The following CRYGN variants were observed in gnomAD, a reference collection of about 807,000 sequenced individuals.
CRYGN encodes crystallin gamma N.
Under a neutral mutation model 19.2 loss-of-function variants are expected in CRYGN, and 17 were observed. The observed-to-expected ratio is 0.89, with a 90% confidence interval of 0.61 to 1.33. The LOEUF is 1.33. Ranked by LOEUF, CRYGN falls within the 40% of genes most tolerant of loss-of-function variation. The pLI is 0.00. For missense variants in CRYGN, 239 were observed against 239.6 expected (o/e 1.00, Z 0.02); for synonymous variants, 84 against 85.8 (o/e 0.98, Z 0.12).
rs1801438173 is a variant in CRYGN at position 151,430,477 on chromosome 7, G to C, written c.417-297C>G. Among the ~76,000 whole-genome samples, 1 of 152,148 alleles carries C rather than the reference G, an allele frequency of 6.6e-6. No homozygotes were observed. Among genetic ancestry groups the C allele is most frequent in the African/African-American group, 2.4e-5 (1 of 41,422 alleles). On this transcript the variant is annotated intron_variant, in intron 3 of 3. Coordinates refer to ENST00000337323, the MANE Select transcript of CRYGN (RefSeq NM_144727.3). The surrounding 1 kb of genome is among the most constrained non-coding windows in gnomAD (Gnocchi z 5.2). ...CTTTTTCCATTGCTCTCTCAGTGAG[G>C]GATGGGGAGAGGTTGGAGGACACCC...
rs1296569512 is a variant in CRYGN at position 151,435,634 on chromosome 7, A to G, written c.416+546T>C. Among the ~76,000 whole-genome samples the G allele has an allele frequency of 6.6e-6, 1 of 151,452 alleles. No homozygotes were observed. The highest frequency in any genetic ancestry group is 1.5e-5 in the Non-Finnish European group (1 of 67,936). ...CCAGGAGTGAGCCACCCCGAAGTCCATCTCCTCCCAGAGGCCAGGGTGGTG... is the reference window on the plus strand; with the variant it reads ...CCAGGAGTGAGCCACCCCGAAGTCCGTCTCCTCCCAGAGGCCAGGGTGGTG... On this transcript the variant is annotated intron_variant, in intron 3 of 3. Coordinates refer to ENST00000337323, the MANE Select transcript of CRYGN (RefSeq NM_144727.3). The surrounding 1 kb of genome is among the most constrained non-coding windows in gnomAD (Gnocchi z 4.2).
intron 3 of CRYGN, chr7:151,432,312 G>C: frequency 8.4e-7 from 1 of 1,196,930 alleles, no homozygotes; most frequent in Non-Finnish European, 1.0e-6. Context: ...TGGGGATCAG[G>C]GGCTGCCAGG....
rs904730221 is a variant in CRYGN at position 151,430,778 on chromosome 7, G to A, written c.417-598C>T. On this transcript the variant is annotated intron_variant, in intron 3 of 3. Coordinates refer to ENST00000337323, the MANE Select transcript of CRYGN (RefSeq NM_144727.3). The surrounding 1 kb of genome is among the most constrained non-coding windows in gnomAD (Gnocchi z 5.2). ...ACCCCTCCATCTACTCAGAAAACTG[G>A]AGTAAGATGTATGGTGAGGAGGACC... 6.6e-6 allele frequency among the ~76,000 whole-genome samples: 1 copy of A among 152,212 alleles called. No individual in the cohort carries two copies. The highest frequency in any genetic ancestry group is 2.4e-5 in the African/African-American group (1 of 41,454).
rs193214755 is a variant in CRYGN, at chr7:151,436,729, C to A, written c.271-404G>T. 240 of 157,370 alleles carry A rather than the reference C, an allele frequency of 1.5e-3. 5 individuals are homozygous for A. Among genetic ancestry groups the A allele is most frequent in the African/African-American group, 5.2e-3 (219 of 41,816 alleles). The allele number at this position is 157,370 out of a possible 1,614,324, so 9.7% of individuals were successfully genotyped here. On this transcript the variant is annotated intron_variant, in intron 2 of 3. Coordinates refer to ENST00000337323, the MANE Select transcript of CRYGN (RefSeq NM_144727.3). This position sits in a 1 kb window ranked among gnomAD's most constrained non-coding sequence, Gnocchi z 5.1. ...GGGTTCTGACTTCCCCACCCCTGGG[C>A]CACAGCCCATGGGCAAGCCTTCAAA... is the stretch of plus-strand genomic sequence containing the variant.
chr7:151,438,314 G>C (rs1220227696), intron 1 of CRYGN, 70 bp from the exon 2 acceptor site: 1 of 1,496,714 alleles, frequency 6.7e-7, no homozygotes, highest in Non-Finnish European at 9.0e-7. Context: ...CTGGCGTCTG[G>C]GTCCCAACAC....
chr7:151,437,554 G>A (rs1161476861), intron 2 of CRYGN, among the ~76,000 whole-genome samples: 2 of 152,184 alleles, frequency 1.3e-5, no homozygotes, highest in African/African-American at 2.4e-5. Flanking sequence ...ACAGGCGGGT[G>A]ATTCTTCAGC....
Position 151,431,291 on chromosome 7 carries a change from C to T in CRYGN, c.417-1111G>A, listed in dbSNP as rs566489761. On this transcript the variant is annotated intron_variant, in intron 3 of 3. Coordinates refer to ENST00000337323, the MANE Select transcript of CRYGN (RefSeq NM_144727.3). The surrounding 1 kb of genome is among the most constrained non-coding windows in gnomAD (Gnocchi z 4.8). ...GGGAGTGGGGGGATGCTTTTGGGGACGTGGACCTCTTATGCCCAGGAATCC... is the reference window on the plus strand; with the variant it reads ...GGGAGTGGGGGGATGCTTTTGGGGATGTGGACCTCTTATGCCCAGGAATCC... Among the ~76,000 whole-genome samples, 3 of 152,200 alleles carry T rather than the reference C, an allele frequency of 2.0e-5. No homozygotes were observed. The highest frequency in any genetic ancestry group is 1.9e-4 in the East Asian group (1 of 5,174).
intron 3 of CRYGN, among the ~76,000 whole-genome samples, chr7:151,434,820 A>AT (rs1433426920): frequency 2.6e-5 from 4 of 152,222 alleles, no homozygotes; most frequent in African/African-American, 9.6e-5. Context: ...ACAAGATGAC[A>AT]TATTTGAGGA....
chr7:151,440,225 G>T, upstream of CRYGN: 1 of 640,234 alleles, frequency 1.6e-6, no homozygotes, highest in South Asian at 3.6e-5. Flanking sequence ...GGGGGGAGGA[G>T]GGGAGGTGTC....
At position 151,439,940 on chromosome 7, in the gene CRYGN, G is replaced by A; in HGVS notation, c.-23C>T. The stretch of plus-strand genomic sequence containing the variant: ...CATGGTGCGCCCCGCCCCTTCCGCG[G>A]GTCCCCGTTTACACCGGGCAGCGCC... On this transcript the variant is annotated 5_prime_UTR_variant, in exon 1 of 4. Transcript: ENST00000337323. 6.5e-7 allele frequency: 1 copy of A among 1,531,794 alleles called. No individual in the cohort carries two copies. The allele number at this position is 1,531,794 out of a possible 1,614,324, so 94.9% of individuals were successfully genotyped here. A position where few individuals can be genotyped will look rare whatever the true frequency, so the allele number is the denominator to read the frequency against.
In CRYGN at chr7:151,433,009, C is replaced by T. The variant is rs187163638; in HGVS notation, c.417-2829G>A. Among the ~76,000 whole-genome samples, 28 of 152,352 alleles carry T rather than the reference C, an allele frequency of 1.8e-4. 1 individual carries two copies. The East Asian group carries it at 4.4e-3, about 24-fold the overall frequency. On this transcript the variant is annotated intron_variant, in intron 3 of 3. Coordinates refer to ENST00000337323, the MANE Select transcript of CRYGN (RefSeq NM_144727.3). This position sits in a 1 kb window ranked among gnomAD's most constrained non-coding sequence, Gnocchi z 5.1. ...CGGTTCCTGCCCCCTCCTGCCCTCA[C>T]GGGGCCTCCCCTGCAGAGGAAATGG... is the stretch of plus-strand genomic sequence containing the variant.
chr7:151,432,219 G>A (rs1801487011), intron 3 of CRYGN: 1 of 1,232,192 alleles, frequency 8.1e-7, no homozygotes, highest in Non-Finnish European at 1.0e-6. Flanking sequence ...CCGAGAAGCT[G>A]CGGAAGTCGC....
rs763247356 is a variant in CRYGN, at chr7:151,436,222, A to T, written c.374T>A (p.Val125Asp). Residue 125 changes from valine (V) to aspartate (D), a missense_variant, in exon 3 of 4, where the codon GTC becomes GAC. Physicochemically the swap from Val to Asp is radical, Grantham distance 152 (BLOSUM62 -3). Coordinates refer to ENST00000337323, the MANE Select transcript of CRYGN (RefSeq NM_144727.3). This position sits in a 1 kb window ranked among gnomAD's most constrained non-coding sequence, Gnocchi z 5.1. Reference protein sequence around the residue: ...DSPFLQSRGWVKNCVNTIKVY... With the variant: ...DSPFLQSRGWDKNCVNTIKVY... ...CTTGATGGTGTTCACACAGTTCTTG[A>T]CCCAGCCCCTGCTCTGGAGGAAGGG... 1 of 1,593,424 alleles carries T rather than the reference A, an allele frequency of 6.3e-7. No individual in the cohort carries two copies. Among genetic ancestry groups the T allele is most frequent in the East Asian group, 2.3e-5 (1 of 43,620 alleles).
At position 151,439,880 on chromosome 7, in the gene CRYGN, T is replaced by C. The variant is rs776020718; in HGVS notation, c.21+17A>G. 6.4e-7 allele frequency: 1 copy of C among 1,556,100 alleles called. No individual in the cohort carries two copies. The highest frequency in any genetic ancestry group is 1.2e-5 in the South Asian group (1 of 82,950). ...GGAGCCCCACTCGGTTTCCTTGGGG[T>C]TGAGGGACGCACTCACCTTCCCCGA... On this transcript the variant is annotated intron_variant, in intron 1 of 3. Coordinates refer to ENST00000337323, the MANE Select transcript of CRYGN (RefSeq NM_144727.3).
rs1161758504 is a variant in CRYGN, at chr7:151,435,308, C to T, written c.416+872G>A. On this transcript the variant is annotated intron_variant, in intron 3 of 3. Coordinates refer to ENST00000337323, the MANE Select transcript of CRYGN (RefSeq NM_144727.3). The surrounding 1 kb of genome is among the most constrained non-coding windows in gnomAD (Gnocchi z 4.2). ...GCTAGCTCTGGAACAGGGACAGACA[C>T]AGGCTTGGCTGCAGTCTCAGCTGTG... Among the ~76,000 whole-genome samples the T allele has an allele frequency of 1.3e-5, 2 of 152,200 alleles. No homozygotes were observed. Among genetic ancestry groups the T allele is most frequent in the Non-Finnish European group, 2.9e-5 (2 of 68,042 alleles).
chr7:151,434,092 C>T (rs570106342), intron 3 of CRYGN, among the ~76,000 whole-genome samples: 5 of 152,226 alleles, frequency 3.3e-5, no homozygotes, highest in South Asian at 4.1e-4. Context: ...GTGTCCCCTC[C>T]GGATCGAGGG....
Position 151,429,603 on chromosome 7 carries a change from A to G in CRYGN, c.*445T>C, listed in dbSNP as rs1801419562. Reference sequence around the variant, plus strand: ...CCTGACTGCTGTGTGACCCTGGGCAAGTTGCTTAACCTGTCTGTGGCTGGC... The same window carrying G: ...CCTGACTGCTGTGTGACCCTGGGCAGGTTGCTTAACCTGTCTGTGGCTGGC... On this transcript the variant is annotated 3_prime_UTR_variant, in exon 4 of 4. Coordinates refer to ENST00000337323, the MANE Select transcript of CRYGN (RefSeq NM_144727.3). 4.8e-6 allele frequency: 1 copy of G among 206,506 alleles called. No individual in the cohort carries two copies. Among genetic ancestry groups the G allele is most frequent in the South Asian group, 8.7e-5 (1 of 11,496 alleles). 12.8% of individuals were successfully genotyped at this position (206,506 alleles called of 1,614,324 possible). A position where few individuals can be genotyped will look rare whatever the true frequency, so the allele number is the denominator to read the frequency against.
In CRYGN at chr7:151,439,779, T is replaced by C. The variant is rs1801715315; in HGVS notation, c.21+118A>G. The stretch of plus-strand genomic sequence containing the variant: ...AGGCCACCCCATTTTATTAAGAAAT[T>C]AAACCAGCTTCCCTTGGATTTGTCA... On this transcript the variant is annotated intron_variant, in intron 1 of 3. Transcript: ENST00000337323. 7 of 1,153,404 alleles carry C rather than the reference T, an allele frequency of 6.1e-6. No individual in the cohort carries two copies. The South Asian group carries it at 1.2e-4, about 20-fold the overall frequency. The allele number at this position is 1,153,404 out of a possible 1,614,324, so 71.4% of individuals were successfully genotyped here.
Position 151,430,318 on chromosome 7 carries a change from C to T in CRYGN, c.417-138G>A, listed in dbSNP as rs1801434694. On this transcript the variant is annotated intron_variant, in intron 3 of 3. Transcript: ENST00000337323. The surrounding 1 kb of genome is among the most constrained non-coding windows in gnomAD (Gnocchi z 5.2). ...GGAGTGGACGGTTGCCTAGTGGTTT[C>T]ATGTCTTCATTTGGCCTCGGCTGTC... 1 of 828,904 alleles carries T rather than the reference C, an allele frequency of 1.2e-6. No individual in the cohort carries two copies. 51.3% of individuals were successfully genotyped at this position (828,904 alleles called of 1,614,324 possible). A position where few individuals can be genotyped will look rare whatever the true frequency, so the allele number is the denominator to read the frequency against.
Sources: allele counts gnomAD v4.1 joint callset (sites outside exome capture counted in the v4.1 genomes callset), GRCh38; gene constraint gnomAD v4.1.1; non-coding constraint Gnocchi (gnomAD v3.1); transcripts MANE v1.5; gene names NCBI Gene and HGNC (gene_info 2026-07-23, HGNC 2026-07-21).